The following DROSHA variants were observed in gnomAD, a reference collection of about 807,000 sequenced individuals.
DROSHA encodes drosha ribonuclease III.
Under a neutral mutation model 181.9 loss-of-function variants are expected in DROSHA, and 56 were observed. That is an observed-to-expected ratio of 0.31 (90% CI 0.25 to 0.38). DROSHA has a LOEUF of 0.38. DROSHA is among the 10% of genes least tolerant of loss of function. The pLI is 1.00. For synonymous variants in DROSHA, 524 were observed against 591.2 expected (o/e 0.89, Z 1.65); for missense variants, 1,218 against 1,743.5 (o/e 0.70, Z 5.37).
chr5:31,465,645 G>A (rs922570050), intron 19 of DROSHA, among the ~76,000 whole-genome samples: 12 of 152,148 alleles, frequency 7.9e-5, no homozygotes, highest in African/African-American at 2.9e-4. Context: ...TGTGAGAGAT[G>A]GGGCCTGGTG....
Position 31,451,445 on chromosome 5 carries a change from A to T in DROSHA, c.2682+88T>A, listed in dbSNP as rs1747032144. On this transcript the variant is annotated intron_variant, in intron 21 of 35. Transcript: ENST00000344624. The stretch of plus-strand genomic sequence containing the variant: ...CTAACAATCCTTGTCACATCCCAGG[A>T]TAGAGAACCCAATGTACCATTTGTG... 14 of 1,111,246 alleles carry T rather than the reference A, an allele frequency of 1.3e-5. No homozygotes were observed. The South Asian group carries it at 2.0e-4, about 16-fold the overall frequency. The allele number at this position is 1,111,246 out of a possible 1,614,324, so 68.8% of individuals were successfully genotyped here.
intron 30 of DROSHA, among the ~76,000 whole-genome samples, chr5:31,414,458 C>A (rs1033787341): frequency 1.3e-5 from 2 of 152,130 alleles, no homozygotes; most frequent in African/African-American, 4.8e-5. Context: ...AGATTTAGCA[C>A]CAAGTTACCT....
In DROSHA at chr5:31,470,986, T is replaced by C. The variant is rs925575888; in HGVS notation, c.2241+1077A>G. On this transcript the variant is annotated intron_variant, in intron 17 of 35. Coordinates refer to ENST00000344624, the MANE Select transcript of DROSHA (RefSeq NM_001382508.1). The surrounding 1 kb of genome is among the most constrained non-coding windows in gnomAD (Gnocchi z 4.0). ...GAGAGTGTTATTACTTACATATTTC[T>C]TTTAAAGTTACTTTAATAATTATGT... Among the ~76,000 whole-genome samples, 2 of 152,260 alleles carry C rather than the reference T, an allele frequency of 1.3e-5. No homozygotes were observed. The highest frequency in any genetic ancestry group is 2.9e-5 in the Non-Finnish European group (2 of 68,050).
At chr5:31,442,517 A>G (rs16901168) in intron 23 of DROSHA, among the ~76,000 whole-genome samples, 3,380 of 152,308 alleles carry the variant, frequency 0.022, 62 homozygotes, top group African/African-American at 0.047. Flanking sequence ...GTGAATCAAC[A>G]GAGGCATTAT....
intron 11 of DROSHA, among the ~76,000 whole-genome samples, chr5:31,497,519 G>T (rs147890019): frequency 1.3e-5 from 2 of 152,190 alleles, no homozygotes; most frequent in Non-Finnish European, 2.9e-5. Flanking sequence ...AATAATTTTG[G>T]CATGTGCCTG....
chr5:31,421,247 G>A (rs1037616202), intron 30 of DROSHA, 25 bp downstream of exon 30: 4 of 1,548,372 alleles, frequency 2.6e-6, no homozygotes, highest in Admixed American at 3.3e-5. Context: ...CAATCTTATT[G>A]GAGGAAGTGA....
intron 14 of DROSHA, among the ~76,000 whole-genome samples, 182 bp from the exon 15 acceptor site, chr5:31,485,144 T>G (rs1322789170): frequency 6.6e-6 from 1 of 152,198 alleles, no homozygotes; most frequent in Non-Finnish European, 1.5e-5. Flanking sequence ...TAGACAATAA[T>G]GCCACTAGGA....
chr5:31,526,748 G>C lies in DROSHA; in HGVS notation c.185C>G (p.Thr62Ser). ...QYEPPSAPST[T>S]FSNSPAPNFL... ...ATTGGGGGCTGGAGAGTTTGAGAAA[G>C]TGGTGGAAGGGGCACTTGGAGGTTC... Residue 62 changes from threonine (T) to serine (S), a missense_variant, in exon 5 of 36, where the codon ACT (threonine) becomes AGT (serine). By Grantham distance (58) the Thr-to-Ser change is moderately conservative. Transcript: ENST00000344624. 6.3e-7 allele frequency: 1 copy of C among 1,587,766 alleles called. No individual in the cohort carries two copies. The highest frequency in any genetic ancestry group is 1.7e-4 in the Middle Eastern group (1 of 5,848).
intron 35 of DROSHA, among the ~76,000 whole-genome samples, chr5:31,401,775 T>G (rs1740027144): frequency 6.6e-6 from 1 of 152,122 alleles, no homozygotes; most frequent in African/African-American, 2.4e-5. Context: ...TGCCCCTGAT[T>G]GTAAATTTCA....
At chr5:31,466,074 A>G in intron 19 of DROSHA, 108 bp downstream of exon 19, 2 of 1,159,798 alleles carry the variant, frequency 1.7e-6, no homozygotes, top group Non-Finnish European at 2.4e-6. Context: ...ATTTTTTTAA[A>G]AAAATATTTT....
chr5:31,425,160 A>G (rs1205291333), intron 27 of DROSHA, among the ~76,000 whole-genome samples: 2 of 151,590 alleles, frequency 1.3e-5, no homozygotes, highest in South Asian at 2.1e-4. Context: ...TTGATATTAG[A>G]TTTCTGAAAT....
At chr5:31,449,227 C>T in intron 22 of DROSHA, 54 bp downstream of exon 22, 1 of 1,598,512 alleles carries the variant, frequency 6.3e-7, no homozygotes, top group Non-Finnish European at 8.5e-7. Flanking sequence ...TAATTTACAA[C>T]AGAAAACACA....
Position 31,451,903 on chromosome 5 carries a change from T to C in DROSHA, c.2575-263A>G, listed in dbSNP as rs867659470. Among the ~76,000 whole-genome samples, 5 of 152,318 alleles carry C rather than the reference T, an allele frequency of 3.3e-5. No individual in the cohort carries two copies. The East Asian group carries it at 9.6e-4, about 29-fold the overall frequency. ...ACTGTGTGACCTGGGGCAAGTTATC[T>C]TACCTCTCTGCCTCAGTTTCCTCAC... On this transcript the variant is annotated intron_variant, in intron 20 of 35. Coordinates refer to ENST00000344624, the MANE Select transcript of DROSHA (RefSeq NM_001382508.1).
chr5:31,527,363 A>C (rs1392403978), intron 4 of DROSHA: 1 of 168,704 alleles, frequency 5.9e-6, no homozygotes, highest in South Asian at 1.4e-4. Flanking sequence ...CCCTGATACC[A>C]GACCCTTCAC....
chr5:31,459,085 A>T (rs1161770786), intron 20 of DROSHA, among the ~76,000 whole-genome samples: 1 of 152,246 alleles, frequency 6.6e-6, no homozygotes, highest in African/African-American at 2.4e-5. Flanking sequence ...AGACTAAAAT[A>T]AATTTAACAG....
At chr5:31,448,486 G>A in intron 23 of DROSHA, 61 bp downstream of exon 23, 2 of 1,431,176 alleles carry the variant, frequency 1.4e-6, no homozygotes, top group Non-Finnish European at 2.0e-6. Context: ...CTTTAAATGA[G>A]TAAACTGTAT....
chr5:31,440,735 T>A (rs1414590433), intron 23 of DROSHA, among the ~76,000 whole-genome samples: 2 of 152,224 alleles, frequency 1.3e-5, no homozygotes, highest in Admixed American at 1.3e-4. Flanking sequence ...GTTCCACACC[T>A]GACCTTATGT....
chr5:31,483,305 A>G (rs2150036150), intron 16 of DROSHA, among the ~76,000 whole-genome samples: 1 of 152,312 alleles, frequency 6.6e-6, no homozygotes, highest in South Asian at 2.1e-4. Context: ...CACCCGCATG[A>G]TATTTTGTCA....
chr5:31,527,150 G>T (rs907514414), intron 4 of DROSHA, among the ~76,000 whole-genome samples: 3 of 151,918 alleles, frequency 2.0e-5, no homozygotes, highest in Non-Finnish European at 4.4e-5. Flanking sequence ...TTAGTCCCTG[G>T]ACCGACCATT....
Sources: gnomAD v4.1 joint callset for allele counts (sites outside exome capture counted in the v4.1 genomes callset) on GRCh38, gnomAD v4.1.1 for gene constraint, Gnocchi (gnomAD v3.1) non-coding constraint, MANE v1.5 for transcripts, NCBI Gene and HGNC (gene_info 2026-07-23, HGNC 2026-07-21) for gene names.